The following MIGA1 variants were observed in gnomAD, a reference collection of about 807,000 sequenced individuals.
MIGA1 encodes family with sequence similarity 73, member A.
A neutral mutation model predicts 82.0 loss-of-function variants in MIGA1; 58 were observed. That is an observed-to-expected ratio of 0.71 (90% CI 0.57 to 0.88). MIGA1 has a LOEUF of 0.88. Ranked by LOEUF, MIGA1 falls within the 40% of genes least tolerant of loss-of-function variation. MIGA1 has a pLI of 0.00. For missense variants in MIGA1, 751 were observed against 749.1 expected, an observed-to-expected ratio of 1.00 and a Z score of -0.03; for synonymous variants, 249 against 253.6, an observed-to-expected ratio of 0.98 and a Z score of 0.17.
chr1:77,869,908 G>A (rs1685866212), intron 14 of MIGA1, among the ~76,000 whole-genome samples: 5 of 123,668 alleles, frequency 4.0e-5, no homozygotes, highest in Admixed American at 1.5e-4. Context: ...CTGGCCGGGC[G>A]GGGGGCTGAC....
At chr1:77,809,457 A>G (rs529007068) in intron 5 of MIGA1, among the ~76,000 whole-genome samples, 1 of 152,204 alleles carries the variant, frequency 6.6e-6, no homozygotes, top group East Asian at 1.9e-4. Flanking sequence ...TCCTGAAGCC[A>G]AGTGTGGTGG....
intron 8 of MIGA1, among the ~76,000 whole-genome samples, chr1:77,851,213 A>G (rs1175368521): frequency 6.6e-6 from 1 of 152,212 alleles, no homozygotes; most frequent in Non-Finnish European, 1.5e-5. Context: ...TACTTCTGAA[A>G]TATGGGAAAT....
chr1:77,835,668 C>T (rs1312112936), intron 7 of MIGA1, among the ~76,000 whole-genome samples: 2 of 152,030 alleles, frequency 1.3e-5, no homozygotes, highest in Non-Finnish European at 2.9e-5. Context: ...AAGAAATAAG[C>T]CAGGTGTGGT....
At chr1:77,845,250 T>G (rs1414932258) in intron 8 of MIGA1, among the ~76,000 whole-genome samples, 1 of 152,224 alleles carries the variant, frequency 6.6e-6, no homozygotes, top group Non-Finnish European at 1.5e-5. Flanking sequence ...ATATATTTTC[T>G]TGTTCTATGG....
At chr1:77,850,980 C>T (rs1418265653) in intron 8 of MIGA1, among the ~76,000 whole-genome samples, 2 of 152,154 alleles carry the variant, frequency 1.3e-5, no homozygotes, top group Non-Finnish European at 2.9e-5. Flanking sequence ...AGTGATTCAC[C>T]TGCCTCAGCC....
intron 7 of MIGA1, among the ~76,000 whole-genome samples, chr1:77,824,395 T>G (rs1421577000): frequency 6.6e-6 from 1 of 152,018 alleles, no homozygotes; most frequent in Admixed American, 6.6e-5. Context: ...GATCCCCGTC[T>G]CTATAAAAAA....
At chr1:77,793,763 C>G (rs143679869) in intron 2 of MIGA1, among the ~76,000 whole-genome samples, 1 of 148,822 alleles carries the variant, frequency 6.7e-6, no homozygotes, top group Non-Finnish European at 1.5e-5. Context: ...CTGTGCCTGG[C>G]TGCTTTACTA....
chr1:77,848,975 G>A (rs1285358775), intron 8 of MIGA1, among the ~76,000 whole-genome samples: 3 of 152,208 alleles, frequency 2.0e-5, no homozygotes, highest in African/African-American at 7.2e-5. Flanking sequence ...ATGTTTGGAT[G>A]TGGATGTTTG....
rs1683740105 is a variant in MIGA1 at position 77,820,028 on chromosome 1, A to G, written c.895+4797A>G. ...TTCCCTGTAGGAAAGGTCAGCTTAG[A>G]GCAGGCAGCCTGGAAATTCCACAGC... On this transcript the variant is annotated intron_variant, in intron 7 of 15. Coordinates refer to ENST00000370791, the MANE Select transcript of MIGA1 (RefSeq NM_198549.4). Among the ~76,000 whole-genome samples, 2 of 151,850 alleles carry G rather than the reference A, an allele frequency of 1.3e-5. 1 individual carries two copies. The highest frequency in any genetic ancestry group is 2.9e-5 in the Non-Finnish European group (2 of 67,974).
intron 7 of MIGA1, among the ~76,000 whole-genome samples, chr1:77,839,528 G>A (rs1186357977): frequency 2.0e-5 from 3 of 151,432 alleles, no homozygotes; most frequent in South Asian, 2.1e-4. Context: ...GCACCACCAC[G>A]CCCTGCTAAC....
rs1229655542 is a variant in MIGA1 at position 77,824,164 on chromosome 1, T to C, written c.895+8933T>C. 3.3e-5 allele frequency among the ~76,000 whole-genome samples: 5 copies of C among 152,336 alleles called. No individual in the cohort carries two copies. The East Asian group carries it at 9.6e-4, about 29-fold the overall frequency. On this transcript the variant is annotated intron_variant, in intron 7 of 15. Coordinates refer to ENST00000370791, the MANE Select transcript of MIGA1 (RefSeq NM_198549.4). Reference sequence around the variant, plus strand: ...AGAAAATAAAAGAGCAGTATTAAAATAGGAGGACTTTTATTTTTAAAATGA... The same window carrying C: ...AGAAAATAAAAGAGCAGTATTAAAACAGGAGGACTTTTATTTTTAAAATGA...
intron 8 of MIGA1, among the ~76,000 whole-genome samples, chr1:77,850,034 CAAAAAA>C (rs377438344): frequency 3.1e-5 from 3 of 97,378 alleles, no homozygotes; most frequent in Non-Finnish European, 6.4e-5. Context: ...GACTCTCTCT[CAAAAAA>C]AAAAAAAAAA....
chr1:77,874,113 G>A (rs530269297), intron 15 of MIGA1, among the ~76,000 whole-genome samples: 3 of 152,250 alleles, frequency 2.0e-5, no homozygotes, highest in East Asian at 3.9e-4. Context: ...TGGAAGATAC[G>A]TTATTAAGAA....
At chr1:77,843,532 G>A (rs2101890718) in intron 8 of MIGA1, 125 bp downstream of exon 8, 5 of 662,564 alleles carry the variant, frequency 7.5e-6, no homozygotes, top group Middle Eastern at 2.5e-4. Flanking sequence ...GTAGGTGCCA[G>A]GATACAAAAA....
At chr1:77,828,362 G>T (rs1394978837) in intron 7 of MIGA1, among the ~76,000 whole-genome samples, 1 of 152,092 alleles carries the variant, frequency 6.6e-6, no homozygotes, top group Non-Finnish European at 1.5e-5. Flanking sequence ...GAAGCTTTGG[G>T]TTTGTATTTC....
chr1:77,798,738 A>C (rs567140151), intron 2 of MIGA1, among the ~76,000 whole-genome samples: 3 of 152,148 alleles, frequency 2.0e-5, no homozygotes, highest in Non-Finnish European at 2.9e-5. Flanking sequence ...CTCTCATTGG[A>C]TTGAGGGCAC....
chr1:77,806,375 G>T (rs1199923193), intron 4 of MIGA1, among the ~76,000 whole-genome samples: 1 of 152,198 alleles, frequency 6.6e-6, no homozygotes, highest in African/African-American at 2.4e-5. Context: ...AGTGTCTGTA[G>T]TTAGTTTGAG....
At chr1:77,848,851 C>G (rs2101904655) in intron 8 of MIGA1, 1 of 994,420 alleles carries the variant, frequency 1.0e-6, no homozygotes, top group Non-Finnish European at 1.4e-6. Context: ...ACTGTAATTC[C>G]TGGAACCTGC....
rs371177548 is a variant in MIGA1 at position 77,879,157 on chromosome 1, A to G, written c.*4093A>G. 1 of 153,946 alleles carries G rather than the reference A, an allele frequency of 6.5e-6. No homozygotes were observed. Among genetic ancestry groups the G allele is most frequent in the South Asian group, 2.1e-4 (1 of 4,846 alleles). The allele number at this position is 153,946 out of a possible 1,614,324, so 9.5% of individuals were successfully genotyped here. A position where few individuals can be genotyped will look rare whatever the true frequency, so the allele number is the denominator to read the frequency against. On this transcript the variant is annotated 3_prime_UTR_variant, in exon 16 of 16. Coordinates refer to ENST00000370791, the MANE Select transcript of MIGA1 (RefSeq NM_198549.4). ...TTTACTTTTATTTTAATGTGAATAT[A>G]TATTCAGAAATTATTTGATGTAAAT...
Sources: allele counts gnomAD v4.1 joint callset (sites outside exome capture counted in the v4.1 genomes callset), GRCh38; gene constraint gnomAD v4.1.1; transcripts MANE v1.5; gene names NCBI Gene and HGNC (gene_info 2026-07-23, HGNC 2026-07-21).